The following COL23A1 variants were observed in gnomAD, a reference collection of about 807,000 sequenced individuals.
COL23A1 encodes the protein collagen alpha-1(XXIII) chain.
Under a neutral mutation model 99.3 loss-of-function variants are expected in COL23A1, and 97 were observed. The observed-to-expected ratio is 0.98, with a 90% CI of 0.83 to 1.16. The LOEUF is 1.16. COL23A1 is among the 50% of genes most tolerant of loss of function. COL23A1 has a pLI of 0.00. For synonymous variants in COL23A1, 320 were observed against 308.2 expected (o/e 1.04, Z -0.40); for missense variants, 762 against 757.4 (o/e 1.01, Z -0.07).
rs1452642533 is a variant in COL23A1 at position 178,434,210 on chromosome 5, C to A, written c.361+126472G>T. Among the ~76,000 whole-genome samples, 2 of 152,222 alleles carry A rather than the reference C, an allele frequency of 1.3e-5. No homozygotes were observed. Among genetic ancestry groups the A allele is most frequent in the African/African-American group, 4.8e-5 (2 of 41,464 alleles). On this transcript the variant is annotated intron_variant, in intron 2 of 28. Coordinates refer to ENST00000390654, the MANE Select transcript of COL23A1 (RefSeq NM_173465.4). This position sits in a 1 kb window ranked among gnomAD's most constrained non-coding sequence, Gnocchi z 4.3. ...AATCAAGGCTTAGAGAAGTGGGCTG[C>A]CCCAGGTCACACACTGATGCCCCAG...
At chr5:178,274,483 G>C (rs775945449) in intron 5 of COL23A1, among the ~76,000 whole-genome samples, 1 of 152,180 alleles carries the variant, frequency 6.6e-6, no homozygotes, top group African/African-American at 2.4e-5. Flanking sequence ...GTCCTTCTGA[G>C]GAGAATGAGG....
At chr5:178,344,849 G>T in intron 2 of COL23A1, 1 of 749,644 alleles carries the variant, frequency 1.3e-6, no homozygotes, top group South Asian at 1.3e-5. Flanking sequence ...GAAGATGGCG[G>T]GGCGATCTGT....
intron 2 of COL23A1, among the ~76,000 whole-genome samples, chr5:178,345,588 C>G (rs1581191207): frequency 6.6e-6 from 1 of 151,752 alleles, no homozygotes; most frequent in Non-Finnish European, 1.5e-5. Context: ...GCGATCTCGA[C>G]TCACTGCAAG....
At chr5:178,290,272 C>A in intron 4 of COL23A1, 90 bp downstream of exon 4, 1 of 1,595,960 alleles carries the variant, frequency 6.3e-7, no homozygotes. Flanking sequence ...ACACACCTCC[C>A]TAACCAAAAT....
At chr5:178,438,792 G>A (rs1185684491) in intron 2 of COL23A1, 1 of 152,172 alleles carries the variant, frequency 6.6e-6, no homozygotes, top group Non-Finnish European at 1.5e-5. Flanking sequence ...GCTAGCATTA[G>A]AAGCATCTGC....
At chr5:178,529,365 G>C (rs1383104304) in intron 2 of COL23A1, among the ~76,000 whole-genome samples, 2 of 151,962 alleles carry the variant, frequency 1.3e-5, no homozygotes, top group East Asian at 3.9e-4. Flanking sequence ...GTGGCGTGAA[G>C]CCCAGAGTCA....
In COL23A1 at chr5:178,255,878, C is replaced by T. The variant is rs948055690; in HGVS notation, c.882+475G>A. The T allele has an allele frequency of 1.5e-5, 6 of 389,434 alleles. No homozygotes were observed. The highest frequency in any genetic ancestry group is 2.1e-5 in the Non-Finnish European group (4 of 189,480). The allele number at this position is 389,434 out of a possible 1,614,324, so 24.1% of individuals were successfully genotyped here. On this transcript the variant is annotated intron_variant, in intron 15 of 28. Transcript: ENST00000390654. The surrounding 1 kb of genome is among the most constrained non-coding windows in gnomAD (Gnocchi z 4.2). Reference sequence around the variant, plus strand: ...AGGAGACAGAGCCGAGGCCAGGATCCCGGACGTCACCCTAAAGGTAAGGTA... The same window carrying T: ...AGGAGACAGAGCCGAGGCCAGGATCTCGGACGTCACCCTAAAGGTAAGGTA...
At chr5:178,491,200 T>A (rs145230725) in intron 2 of COL23A1, among the ~76,000 whole-genome samples, 46 of 151,836 alleles carry the variant, frequency 3.0e-4, no homozygotes, top group African/African-American at 1.1e-3. Context: ...GGGGGGAGAT[T>A]ACTAAAGGAC....
chr5:178,282,879 T>G (rs1481114953), intron 5 of COL23A1, among the ~76,000 whole-genome samples: 1 of 151,954 alleles, frequency 6.6e-6, no homozygotes, highest in Non-Finnish European at 1.5e-5. Flanking sequence ...TTTTCTTTTT[T>G]TTTTGAGACA....
chr5:178,393,113 T>C (rs1581296790), intron 2 of COL23A1, among the ~76,000 whole-genome samples: 2 of 152,298 alleles, frequency 1.3e-5, no homozygotes, highest in East Asian at 3.9e-4. Context: ...GTTGCCGAAG[T>C]AAACGATTTG....
At position 178,590,328 on chromosome 5, in the gene COL23A1, G is replaced by C; in HGVS notation, c.-131C>G. 1.3e-6 allele frequency: 1 copy of C among 780,908 alleles called. No individual in the cohort carries two copies. The highest frequency in any genetic ancestry group is 1.7e-6 in the Non-Finnish European group (1 of 598,862). The allele number at this position is 780,908 out of a possible 1,614,324, so 48.4% of individuals were successfully genotyped here. A position where few individuals can be genotyped will look rare whatever the true frequency, so the allele number is the denominator to read the frequency against. Reference sequence around the variant, plus strand: ...CGCGGGGGTTAGCCTCCGGGTAGCAGCGGATCGCCGCGCACGCCCCCTTCG... The same window carrying C: ...CGCGGGGGTTAGCCTCCGGGTAGCACCGGATCGCCGCGCACGCCCCCTTCG... On this transcript the variant is annotated 5_prime_UTR_variant, in exon 1 of 29. Coordinates refer to ENST00000390654, the MANE Select transcript of COL23A1 (RefSeq NM_173465.4). This position sits in a 1 kb window ranked among gnomAD's most constrained non-coding sequence, Gnocchi z 5.7.
At chr5:178,542,529 G>A (rs59019490) in intron 2 of COL23A1, among the ~76,000 whole-genome samples, 2,255 of 152,248 alleles carry the variant, frequency 0.015, 53 homozygotes, top group African/African-American at 0.049. Flanking sequence ...GCTGACCGGG[G>A]GAAAGAACAG....
intron 17 of COL23A1, among the ~76,000 whole-genome samples, chr5:178,251,918 T>TC (rs1765055580): frequency 7.5e-6 from 1 of 133,854 alleles, no homozygotes; most frequent in Non-Finnish European, 1.7e-5. Context: ...TCTTTTTTTT[T>TC]TTTTTTTATT....
At chr5:178,454,048 C>T (rs978361600) in intron 2 of COL23A1, among the ~76,000 whole-genome samples, 2 of 152,112 alleles carry the variant, frequency 1.3e-5, no homozygotes, top group Non-Finnish European at 2.9e-5. Context: ...TTTGTCTTTG[C>T]AAGCCCTCTG....
At chr5:178,517,557 G>T (rs1581546497) in intron 2 of COL23A1, among the ~76,000 whole-genome samples, 11 of 84,978 alleles carry the variant, frequency 1.3e-4, no homozygotes, top group East Asian at 6.0e-4. Flanking sequence ...GGTGACAGCA[G>T]TTTTTTTTTT....
intron 2 of COL23A1, among the ~76,000 whole-genome samples, chr5:178,457,036 T>C (rs753979225): frequency 5.9e-5 from 9 of 152,178 alleles, no homozygotes; most frequent in Non-Finnish European, 1.3e-4. Context: ...ATGTTAATCA[T>C]GGTGCAGGGA....
intron 2 of COL23A1, among the ~76,000 whole-genome samples, chr5:178,358,907 G>A (rs1480908565): frequency 6.6e-6 from 1 of 152,308 alleles, no homozygotes; most frequent in East Asian, 1.9e-4. Flanking sequence ...AATAAAGGGA[G>A]AAAATGATCC....
At chr5:178,443,367 C>A (rs578111064) in intron 2 of COL23A1, among the ~76,000 whole-genome samples, 1 of 152,318 alleles carries the variant, frequency 6.6e-6, no homozygotes, top group African/African-American at 2.4e-5. Context: ...CCACTCAGCT[C>A]CTCTTTGTTC....
chr5:178,581,213 C>T (rs1038124933), intron 1 of COL23A1, among the ~76,000 whole-genome samples: 5 of 152,164 alleles, frequency 3.3e-5, no homozygotes, highest in Non-Finnish European at 7.3e-5. Context: ...CATAATGGTC[C>T]CACAGCTTCC....
Sources: allele counts gnomAD v4.1 joint callset (sites outside exome capture counted in the v4.1 genomes callset), GRCh38; gene constraint gnomAD v4.1.1; non-coding constraint Gnocchi (gnomAD v3.1); transcripts MANE v1.5; gene names NCBI Gene and HGNC (gene_info 2026-07-23, HGNC 2026-07-21).